SMURF2: variants seen among roughly 807,000 people sequenced by gnomAD.
The protein encoded by SMURF2 is SMAD specific E3 ubiquitin protein ligase 2.
A neutral mutation model predicts 109.6 loss-of-function variants in SMURF2; 48 were observed. The ratio of observed to expected loss-of-function variants is 0.44; its 90% CI spans 0.35 to 0.56. The LOEUF is 0.56. Among genes scored for constraint, SMURF2 ranks in the 20% least tolerant of loss-of-function variants. SMURF2 has a pLI of 0.01. For missense variants in SMURF2, 575 were observed against 909.0 expected (o/e 0.63, Z 4.72); for synonymous variants, 288 against 317.1 (o/e 0.91, Z 0.97).
intron 17 of SMURF2, among the ~76,000 whole-genome samples, chr17:64,546,872 C>A (rs1968961832): frequency 1.3e-5 from 2 of 152,202 alleles, no homozygotes; most frequent in African/African-American, 4.8e-5. Flanking sequence ...CAGAGAAGGG[C>A]AGCACAGCTG....
intron 12 of SMURF2, chr17:64,560,813 A>G (rs1373314585): frequency 1.3e-5 from 2 of 151,230 alleles, no homozygotes; most frequent in African/African-American, 2.4e-5. Flanking sequence ...AAAAAAAACA[A>G]AAACTAGCCG....
intron 1 of SMURF2, among the ~76,000 whole-genome samples, chr17:64,642,930 G>C (rs1477498607): frequency 6.6e-6 from 1 of 152,108 alleles, no homozygotes; most frequent in African/African-American, 2.4e-5. Flanking sequence ...TGGTGGCTGG[G>C]ACTACAGGCA....
chr17:64,566,576 T>TTTTTG (rs1969312692), intron 10 of SMURF2, among the ~76,000 whole-genome samples: 1 of 105,494 alleles, frequency 9.5e-6, no homozygotes, highest in African/African-American at 3.4e-5. Context: ...TTTTTTTTTT[T>TTTTTG]TTTTTTTTTT....
chr17:64,590,860 C>T (rs1186444729), intron 5 of SMURF2, among the ~76,000 whole-genome samples: 1 of 151,442 alleles, frequency 6.6e-6, no homozygotes, highest in African/African-American at 2.4e-5. Flanking sequence ...AGAATTATAT[C>T]CTGAAGGATC....
At position 64,545,225 on chromosome 17, in the gene SMURF2, T is replaced by TA. The variant is rs1185577716; in HGVS notation, c.*622dup. On this transcript the variant is annotated 3_prime_UTR_variant, in exon 19 of 19. Coordinates refer to ENST00000262435, the MANE Select transcript of SMURF2 (RefSeq NM_022739.4). ...CCAGGAAATCCGTTCTTGAAAAATG[T>TA]AAAAAAGACCCACTTAGACTAGGTT... 4 of 152,644 alleles carry TA rather than the reference T, an allele frequency of 2.6e-5. No homozygotes were observed. In the East Asian group the frequency reaches 7.7e-4, roughly 29 times the overall value. 9.5% of individuals were successfully genotyped at this position (152,644 alleles called of 1,614,324 possible).
intron 1 of SMURF2, among the ~76,000 whole-genome samples, chr17:64,631,065 G>T (rs1555691535): frequency 6.6e-6 from 1 of 151,720 alleles, no homozygotes. Flanking sequence ...ACTCTGGGAG[G>T]CCAACGCAGG....
At chr17:64,608,936 C>T (rs1970007454) in intron 1 of SMURF2, among the ~76,000 whole-genome samples, 1 of 152,128 alleles carries the variant, frequency 6.6e-6, no homozygotes, top group Non-Finnish European at 1.5e-5. Context: ...TACCTCTTCC[C>T]TCTCATAATG....
intron 2 of SMURF2, among the ~76,000 whole-genome samples, chr17:64,601,076 AC>A (rs1555688500): frequency 1.3e-5 from 2 of 151,814 alleles, no homozygotes; most frequent in African/African-American, 2.4e-5. Flanking sequence ...TAGTAAGACC[AC>A]CCCCCATCCC....
At chr17:64,629,231 G>T (rs1170090350) in intron 1 of SMURF2, among the ~76,000 whole-genome samples, 3 of 152,202 alleles carry the variant, frequency 2.0e-5, no homozygotes, top group Admixed American at 1.3e-4. Flanking sequence ...TAAGAAAAGT[G>T]TGTGTACACC....
chr17:64,640,917 C>CAAAAAAAAAAAAAAAAAAAAAAAAA, intron 1 of SMURF2, among the ~76,000 whole-genome samples: 1 of 86,084 alleles, frequency 1.2e-5, no homozygotes, highest in South Asian at 3.5e-4. Context: ...GACTCCATCT[C>CAAAAAAAAAAAAAAAAAAAAAAAAA]AAAAAAAAAA....
chr17:64,627,835 T>C (rs1338495776), intron 1 of SMURF2, among the ~76,000 whole-genome samples: 1 of 152,210 alleles, frequency 6.6e-6, no homozygotes, highest in Non-Finnish European at 1.5e-5. Context: ...CTCAAAAATT[T>C]GGCTTTTCTA....
At chr17:64,570,806 G>T (rs1555685482) in intron 10 of SMURF2, among the ~76,000 whole-genome samples, 1 of 152,174 alleles carries the variant, frequency 6.6e-6, no homozygotes, top group Non-Finnish European at 1.5e-5. Context: ...TTAAAGACAA[G>T]AGTCTCACTC....
intron 1 of SMURF2, among the ~76,000 whole-genome samples, chr17:64,626,932 TAA>T (rs147392473): frequency 1.4e-5 from 2 of 140,036 alleles, no homozygotes; most frequent in African/African-American, 2.6e-5. Flanking sequence ...CGTATTCCCC[TAA>T]AAAAAAAAAA....
chr17:64,657,486 G>C (rs1464490455), intron 1 of SMURF2, among the ~76,000 whole-genome samples: 1 of 150,890 alleles, frequency 6.6e-6, no homozygotes, highest in South Asian at 2.1e-4. Flanking sequence ...GAGCACAGAA[G>C]TTCAAGACCA....
chr17:64,644,716 A>C (rs782306449), intron 1 of SMURF2, among the ~76,000 whole-genome samples: 7 of 152,202 alleles, frequency 4.6e-5, no homozygotes, highest in Non-Finnish European at 8.8e-5. Flanking sequence ...GTTTGAGACC[A>C]GCCTGGCCAA....
At chr17:64,560,129 C>G (rs1969191152) in intron 12 of SMURF2, among the ~76,000 whole-genome samples, 1 of 151,742 alleles carries the variant, frequency 6.6e-6, no homozygotes, top group Non-Finnish European at 1.5e-5. Context: ...GCAGGAGGAT[C>G]ACTTGTACCT....
In SMURF2 at chr17:64,600,807, C is replaced by T. The variant is rs138047516; in HGVS notation, c.92-2317G>A. Among the ~76,000 whole-genome samples, 11 of 152,144 alleles carry T rather than the reference C, an allele frequency of 7.2e-5. No homozygotes were observed. In the East Asian group the frequency reaches 1.9e-3, roughly 27 times the overall value. On this transcript the variant is annotated intron_variant, in intron 2 of 18. Coordinates refer to ENST00000262435, the MANE Select transcript of SMURF2 (RefSeq NM_022739.4). ...ACTCTATCTTGTTATTTTCACTCTA[C>T]TATTTAAATAAATAAACATATAAAT... is the stretch of plus-strand genomic sequence containing the variant.
intron 1 of SMURF2, among the ~76,000 whole-genome samples, chr17:64,608,388 T>C (rs1252057874): frequency 1.3e-5 from 2 of 152,164 alleles, no homozygotes; most frequent in African/African-American, 4.8e-5. Flanking sequence ...CAGAGTCCCT[T>C]AGGCCATGTC....
chr17:64,601,038 C>A (rs1568190350), intron 2 of SMURF2, among the ~76,000 whole-genome samples: 1 of 151,974 alleles, frequency 6.6e-6, no homozygotes, highest in South Asian at 2.1e-4. Context: ...CACTTGAGCC[C>A]AGGAGTTTGA....
Sources: gnomAD v4.1 joint callset for allele counts (sites outside exome capture counted in the v4.1 genomes callset) on GRCh38, gnomAD v4.1.1 for gene constraint, MANE v1.5 for transcripts, NCBI Gene and HGNC (gene_info 2026-07-23, HGNC 2026-07-21) for gene names.